Variants in GRB10 observed in about 807,000 individuals in gnomAD.
The protein encoded by GRB10 is growth factor receptor bound protein 10.
In GRB10, 20 loss-of-function variants were observed where a neutral mutation model predicts 80.9. That is an observed-to-expected ratio of 0.25 (90% CI 0.17 to 0.36). The LOEUF (loss-of-function observed/expected upper bound fraction) is 0.36. Ranked by LOEUF, GRB10 falls within the 10% of genes least tolerant of loss-of-function variation. GRB10 has a pLI of 1.00. For missense variants in GRB10, 548 were observed against 747.7 expected (o/e 0.73, Z 3.12); for synonymous variants, 291 against 291.5 (o/e 1.00, Z 0.02).
intron 1 of GRB10, chr7:50,780,998 AG>A (rs970428986): frequency 3.3e-5 from 5 of 152,222 alleles, no homozygotes; most frequent in African/African-American, 1.2e-4. Flanking sequence ...GGAAATCCTT[AG>A]GAGACACTAA....
intron 3 of GRB10, among the ~76,000 whole-genome samples, chr7:50,751,199 A>C (rs185809384): frequency 8.5e-5 from 13 of 152,314 alleles, no homozygotes; most frequent in South Asian, 2.1e-4. Context: ...AGCCATGTCC[A>C]AACCAGACAC....
At chr7:50,627,120 C>G in intron 7 of GRB10, 142 bp from the exon 8 acceptor site, 1 of 818,544 alleles carries the variant, frequency 1.2e-6, no homozygotes, top group Non-Finnish European at 2.1e-6. Flanking sequence ...GCCAACAGGT[C>G]CCCACCAGCT....
rs117811613 is a variant in GRB10, at chr7:50,602,035, C to T, written c.1544+1963G>A. Among the ~76,000 whole-genome samples, 1,175 of 141,382 alleles carry T rather than the reference C, an allele frequency of 8.3e-3. 6 individuals are homozygous for T. The highest frequency in any genetic ancestry group is 0.013 in the Non-Finnish European group (834 of 65,500). The allele number at this position is 141,382 out of a possible 152,430, so 92.8% of individuals were successfully genotyped here. A position where few individuals can be genotyped will look rare whatever the true frequency, so the allele number is the denominator to read the frequency against. Reference sequence around the variant, plus strand: ...TAAATCAAACACAAAAATCTAAGTTCACAGTGACAGTTTAAACAAAATCCA... The same window carrying T: ...TAAATCAAACACAAAAATCTAAGTTTACAGTGACAGTTTAAACAAAATCCA... On this transcript the variant is annotated intron_variant, in intron 17 of 18. Transcript: ENST00000401949.
At chr7:50,667,166 A>C (rs771750413) in intron 7 of GRB10, among the ~76,000 whole-genome samples, 1 of 152,098 alleles carries the variant, frequency 6.6e-6, no homozygotes, top group Non-Finnish European at 1.5e-5. Flanking sequence ...GGAAGTTTAA[A>C]TATCTCTACT....
At chr7:50,627,875 G>A (rs2053235726) in intron 7 of GRB10, among the ~76,000 whole-genome samples, 1 of 152,206 alleles carries the variant, frequency 6.6e-6, no homozygotes, top group Non-Finnish European at 1.5e-5. Context: ...TGGCTGTGTG[G>A]AGCCTGCGTG....
At chr7:50,774,139 T>C (rs778743279) in intron 2 of GRB10, among the ~76,000 whole-genome samples, 11 of 152,206 alleles carry the variant, frequency 7.2e-5, no homozygotes, top group Non-Finnish European at 1.3e-4. Context: ...ACATGAAATG[T>C]CCTGGACAGG....
At chr7:50,600,381 G>C (rs578185647) in intron 17 of GRB10, among the ~76,000 whole-genome samples, 3 of 152,188 alleles carry the variant, frequency 2.0e-5, no homozygotes, top group Non-Finnish European at 4.4e-5. Context: ...CTGACATCTT[G>C]AGTAAGGAGT....
intron 17 of GRB10, among the ~76,000 whole-genome samples, chr7:50,596,478 G>A (rs556517053): frequency 6.6e-6 from 1 of 152,358 alleles, no homozygotes; most frequent in Admixed American, 6.5e-5. Context: ...TACTCGAAAC[G>A]CAGGTCAAGA....
chr7:50,775,536 C>T (rs1439845129), intron 2 of GRB10, among the ~76,000 whole-genome samples: 2 of 152,244 alleles, frequency 1.3e-5, no homozygotes, highest in Non-Finnish European at 2.9e-5. Context: ...CTCCATTAGG[C>T]ATTGTCCTTG....
chr7:50,602,514 T>C (rs2047782428), intron 17 of GRB10, among the ~76,000 whole-genome samples: 1 of 152,278 alleles, frequency 6.6e-6, no homozygotes, highest in South Asian at 2.1e-4. Context: ...AGGAACTTAT[T>C]AAAATAAACC....
chr7:50,633,173 G>A (rs1470043538), intron 7 of GRB10, among the ~76,000 whole-genome samples: 1 of 152,192 alleles, frequency 6.6e-6, no homozygotes, highest in African/African-American at 2.4e-5. Flanking sequence ...GATGAGATAA[G>A]CCTCCTGAAA....
At chr7:50,676,492 T>A (rs2060969824) in intron 5 of GRB10, among the ~76,000 whole-genome samples, 1 of 152,214 alleles carries the variant, frequency 6.6e-6, no homozygotes, top group African/African-American at 2.4e-5. Context: ...GCTTAACAGC[T>A]GAGGAAATAG....
chr7:50,668,017 A>C (rs781537313), intron 7 of GRB10, among the ~76,000 whole-genome samples: 14 of 152,244 alleles, frequency 9.2e-5, no homozygotes, highest in Admixed American at 2.6e-4. Context: ...CCTTATTTGA[A>C]GCAGAAGGTC....
chr7:50,775,556 G>A (rs955474420), intron 2 of GRB10, among the ~76,000 whole-genome samples: 1 of 152,220 alleles, frequency 6.6e-6, no homozygotes, highest in Non-Finnish European at 1.5e-5. Context: ...GTGGGAGCTC[G>A]CTAGTGTGCC....
At chr7:50,772,898 A>G (rs76963977) in intron 2 of GRB10, among the ~76,000 whole-genome samples, 18,225 of 152,242 alleles carry the variant, frequency 0.12, 3,668 homozygotes, top group African/African-American at 0.41. Flanking sequence ...AATTCCTACA[A>G]CTGAGTAACA....
In GRB10 at chr7:50,749,130, G is replaced by GTTTTTTTTT. The variant is rs71018483; in HGVS notation, c.-47+6756_-47+6757insAAAAAAAAA. On this transcript the variant is annotated intron_variant, in intron 3 of 18. Coordinates refer to ENST00000401949, the MANE Select transcript of GRB10 (RefSeq NM_001350814.2). ...TTTTTTTGTTTTGTTTTGTTTTTTT[G>GTTTTTTTTT]TTTGTTTTTTTTTTTTGAGATGGAG... Among the ~76,000 whole-genome samples the GTTTTTTTTT allele has an allele frequency of 6.2e-4, 86 of 139,526 alleles. 1 individual carries two copies. Among genetic ancestry groups the GTTTTTTTTT allele is most frequent in the Non-Finnish European group, 6.8e-4 (45 of 66,364 alleles). 91.5% of individuals were successfully genotyped at this position (139,526 alleles called of 152,430 possible). A position where few individuals can be genotyped will look rare whatever the true frequency, so the allele number is the denominator to read the frequency against.
chr7:50,618,917 G>A (rs538044862), intron 9 of GRB10, among the ~76,000 whole-genome samples: 1 of 152,326 alleles, frequency 6.6e-6, no homozygotes, highest in African/African-American at 2.4e-5. Flanking sequence ...TCCTGTCTTA[G>A]AGACTAACCC....
intron 2 of GRB10, among the ~76,000 whole-genome samples, chr7:50,775,570 A>C (rs1158352075): frequency 6.6e-6 from 1 of 152,208 alleles, no homozygotes; most frequent in Non-Finnish European, 1.5e-5. Flanking sequence ...GTGTGCCCCC[A>C]GCCTCAAGAC....
chr7:50,720,060 G>GAA (rs2067463939), intron 4 of GRB10, among the ~76,000 whole-genome samples: 2 of 152,066 alleles, frequency 1.3e-5, no homozygotes, highest in Non-Finnish European at 2.9e-5. Flanking sequence ...GCTGCAGGCT[G>GAA]AAGCCCATCT....
Sources: gnomAD v4.1 joint callset for allele counts (sites outside exome capture counted in the v4.1 genomes callset) on GRCh38, gnomAD v4.1.1 for gene constraint, MANE v1.5 for transcripts, NCBI Gene and HGNC (gene_info 2026-07-23, HGNC 2026-07-21) for gene names.